TET1: variants seen among roughly 807,000 people sequenced by gnomAD.
TET1 encodes tet methylcytosine dioxygenase 1.
A neutral mutation model predicts 148.7 loss-of-function variants in TET1; 13 were observed. The observed-to-expected ratio is 0.09, with a 90% CI of 0.06 to 0.14. The LOEUF is 0.14. TET1 is among the 10% of genes least tolerant of loss of function. The pLI, the probability that TET1 is intolerant of heterozygous loss-of-function variation, is 1.00. For synonymous variants in TET1, 907 were observed against 937.2 expected (o/e 0.97, Z 0.59); for missense variants, 2,182 against 2,553.8 (o/e 0.85, Z 3.14).
At chr10:68,582,338 C>T (rs1386677862) in intron 2 of TET1, among the ~76,000 whole-genome samples, 3 of 152,044 alleles carry the variant, frequency 2.0e-5, no homozygotes, top group Non-Finnish European at 2.9e-5. Context: ...TCAGGTGATC[C>T]GCCCACCTCG....
intron 7 of TET1, among the ~76,000 whole-genome samples, chr10:68,668,979 G>C (rs2055231632): frequency 6.8e-6 from 1 of 147,600 alleles, no homozygotes; most frequent in South Asian, 2.1e-4. Flanking sequence ...GGCAAAAGGA[G>C]AGAGAGAGAG....
intron 2 of TET1, among the ~76,000 whole-genome samples, chr10:68,596,476 A>G (rs935319352): frequency 1.3e-5 from 2 of 151,824 alleles, no homozygotes; most frequent in African/African-American, 4.8e-5. Context: ...TTTTGTAGAG[A>G]TGTGTCTCCG....
chr10:68,624,747 T>A lies in TET1; in HGVS notation c.1969-19951T>A, dbSNP rs573174201. 3.3e-5 allele frequency among the ~76,000 whole-genome samples: 5 copies of A among 149,296 alleles called. No individual in the cohort carries two copies. In the South Asian group the frequency reaches 1.1e-3, roughly 32 times the overall value. On this transcript the variant is annotated intron_variant, in intron 3 of 11. Coordinates refer to ENST00000373644, the MANE Select transcript of TET1 (RefSeq NM_030625.3). ...TTTCCTTCTTTCTTTCTTTCTTTTT[T>A]TTGAGACGGAGTCTTGCTCTGTCGC...
At chr10:68,588,141 C>A (rs1321435685) in intron 2 of TET1, among the ~76,000 whole-genome samples, 1 of 152,132 alleles carries the variant, frequency 6.6e-6, no homozygotes. Flanking sequence ...AGATTACAGG[C>A]GTCGGCCACC....
At chr10:68,644,402 C>A (rs10998362) in intron 3 of TET1, among the ~76,000 whole-genome samples, 1 of 151,870 alleles carries the variant, frequency 6.6e-6, no homozygotes, top group Non-Finnish European at 1.5e-5. Context: ...GACTGGGTTT[C>A]ACCATCTTGC....
chr10:68,609,740 T>TTATA, intron 3 of TET1, among the ~76,000 whole-genome samples: 1 of 152,028 alleles, frequency 6.6e-6, no homozygotes, highest in South Asian at 2.1e-4. Flanking sequence ...TTTGGTTATT[T>TTATA]TATATATATA....
chr10:68,578,509 C>T lies in TET1; in HGVS notation c.1914+4257C>T, dbSNP rs1308025019. ...CCTGACTCAGGTGATCTGCCTGCCTCGGCCTCACAAAGTGCTGCGATTACT... is the reference window on the plus strand; with the variant it reads ...CCTGACTCAGGTGATCTGCCTGCCTTGGCCTCACAAAGTGCTGCGATTACT... On this transcript the variant is annotated intron_variant, in intron 2 of 11. Transcript: ENST00000373644. 3.3e-5 allele frequency among the ~76,000 whole-genome samples: 5 copies of T among 152,210 alleles called. No homozygotes were observed. The East Asian group carries it at 5.8e-4, about 18-fold the overall frequency.
chr10:68,674,658 A>G, intron 8 of TET1: 1 of 456,394 alleles, frequency 2.2e-6, no homozygotes, highest in South Asian at 1.7e-5. Flanking sequence ...TTCATGGTCA[A>G]AAAATGGCAG....
At chr10:68,677,059 C>T (rs2055371732) in intron 8 of TET1, among the ~76,000 whole-genome samples, 1 of 152,206 alleles carries the variant, frequency 6.6e-6, no homozygotes, top group South Asian at 2.1e-4. Flanking sequence ...TTCATGGCAA[C>T]AGTTTTTTTG....
At position 68,686,672 on chromosome 10, in the gene TET1, C is replaced by T; in HGVS notation, c.5369C>T (p.Thr1790Ile). The change falls in exon 11 of 12, where the codon ACA becomes ATA. Residue 1790 changes from threonine (T) to isoleucine (I), a missense_variant. Coordinates refer to ENST00000373644, the MANE Select transcript of TET1 (RefSeq NM_030625.3). ...RIKRKNNSTTTNNSKPSSLPT... is the reference protein window; with the variant it reads ...RIKRKNNSTTINNSKPSSLPT... ...AAGCGGAAGAATAACTCAACAACAA[C>T]AAACAACAGTAAGCCTTCGTCACTG... The T allele has an allele frequency of 6.2e-7, 1 of 1,614,050 alleles. No homozygotes were observed. Among genetic ancestry groups the T allele is most frequent in the Non-Finnish European group, 8.5e-7 (1 of 1,179,986 alleles).
chr10:68,600,932 A>G, intron 2 of TET1, 49 bp from the exon 3 acceptor site: 2 of 1,558,960 alleles, frequency 1.3e-6, no homozygotes, highest in African/African-American at 2.8e-5. Context: ...TGTGGGAGCT[A>G]ATTTTATTTC....
Position 68,686,356 on chromosome 10 carries a change from G to C in TET1, c.5053G>C (p.Val1685Leu). 6.3e-7 allele frequency: 1 copy of C among 1,598,278 alleles called. No homozygotes were observed. Among genetic ancestry groups the C allele is most frequent in the Non-Finnish European group, 8.5e-7 (1 of 1,171,068 alleles). Residue 1685 changes from valine (V) to leucine (L), a missense_variant and splice_region_variant, in exon 11 of 12, where the codon GTT becomes CTT. Physicochemically the swap from Val to Leu is conservative, Grantham distance 32 (BLOSUM62 1). Transcript: ENST00000373644. ...IHNMNNGSTVVCTLTREDNRS... is the reference protein window; with the variant it reads ...IHNMNNGSTVLCTLTREDNRS... ...CATTTCATGTTTTTCTCCCTATCAG[G>C]TTTGTACCTTAACTCGAGAAGATAA...
rs1290674999 is a variant in TET1 at position 68,560,355 on chromosome 10, T to G, written c.-510T>G. Among the ~76,000 whole-genome samples, 1 of 152,200 alleles carries G rather than the reference T, an allele frequency of 6.6e-6. No homozygotes were observed. Among genetic ancestry groups the G allele is most frequent in the Non-Finnish European group, 1.5e-5 (1 of 68,032 alleles). On this transcript the variant is annotated 5_prime_UTR_variant, in exon 1 of 12. Coordinates refer to ENST00000373644, the MANE Select transcript of TET1 (RefSeq NM_030625.3). ...CAGCTTCACTCCCTGAGGTCTGTCC[T>G]GGGGAGACACTGCTGCTCCGGGGGG...
chr10:68,692,130 CAA>C lies in TET1; in HGVS notation c.*317_*318del, dbSNP rs545792502. ...TAAATTAAGTCTGTTTACTATGAAA[CAA>C]GAGTCATTTTTAGAGGATTTTAACA... On this transcript the variant is annotated 3_prime_UTR_variant, in exon 12 of 12. Coordinates refer to ENST00000373644, the MANE Select transcript of TET1 (RefSeq NM_030625.3). 6.8e-4 allele frequency: 218 copies of C among 318,758 alleles called. 1 individual carries two copies. The highest frequency in any genetic ancestry group is 3.9e-3 in the African/African-American group (186 of 47,966). 19.7% of individuals were successfully genotyped at this position (318,758 alleles called of 1,614,324 possible). A position where few individuals can be genotyped will look rare whatever the true frequency, so the allele number is the denominator to read the frequency against.
chr10:68,562,551 T>G (rs941913853), intron 1 of TET1, among the ~76,000 whole-genome samples: 7 of 152,202 alleles, frequency 4.6e-5, no homozygotes, highest in Non-Finnish European at 8.8e-5. Flanking sequence ...AAAGCTAAGT[T>G]GTGGTTTCAA....
intron 6 of TET1, among the ~76,000 whole-genome samples, chr10:68,664,369 G>A (rs1457339374): frequency 6.6e-6 from 1 of 151,478 alleles, no homozygotes; most frequent in Non-Finnish European, 1.5e-5. Context: ...TATATGTCAT[G>A]TAAATATTTC....
chr10:68,645,647 A>T lies in TET1; in HGVS notation c.2918A>T (p.Gln973Leu). The T allele has an allele frequency of 1.2e-6, 2 of 1,614,226 alleles. No individual in the cohort carries two copies. Among genetic ancestry groups the T allele is most frequent in the Non-Finnish European group, 1.7e-6 (2 of 1,180,026 alleles). ...SSCNTVVFNG[Q>L]TTTLSNSHIN... ...TGCAACACGGTGGTTTTCAATGGGCAAACTACTACCCTTTCCAACTCACAT... is the reference window on the plus strand; with the variant it reads ...TGCAACACGGTGGTTTTCAATGGGCTAACTACTACCCTTTCCAACTCACAT... The change falls in exon 4 of 12, where the codon CAA (glutamine) becomes CTA (leucine). Residue 973 changes from glutamine (Q) to leucine (L), a missense_variant. Gln to Leu is a moderately radical substitution (Grantham distance 113). Around this residue, in one of 11 missense-constraint regions of TET1, gnomAD observed 582 missense variants for 599.5 expected, o/e 0.97. Coordinates refer to ENST00000373644, the MANE Select transcript of TET1 (RefSeq NM_030625.3).
At chr10:68,659,359 G>T (rs747506289) in intron 6 of TET1, among the ~76,000 whole-genome samples, 6 of 152,110 alleles carry the variant, frequency 3.9e-5, no homozygotes, top group Non-Finnish European at 7.4e-5. Flanking sequence ...ATGAAGTCTT[G>T]CTCTGTTGCC....
At chr10:68,595,941 T>C (rs1203908318) in intron 2 of TET1, among the ~76,000 whole-genome samples, 3,798 of 38,116 alleles carry the variant, frequency 0.1, 318 homozygotes, top group East Asian at 0.2. Context: ...TATATATATA[T>C]ATATATATAT....
Sources: gnomAD v4.1 joint callset for allele counts (sites outside exome capture counted in the v4.1 genomes callset) on GRCh38, gnomAD v4.1.1 for gene constraint, gnomAD v4.1.1 regional missense constraint, MANE v1.5 for transcripts, NCBI Gene and HGNC (gene_info 2026-07-23, HGNC 2026-07-21) for gene names.